MAGI2: variants seen among roughly 807,000 people sequenced by gnomAD.
The protein encoded by MAGI2 is membrane-associated guanylate kinase, WW and PDZ domain-containing protein 2.
In MAGI2, 35 loss-of-function variants were observed where a neutral mutation model predicts 133.3. The observed-to-expected ratio is 0.26, with a 90% CI of 0.20 to 0.35. The LOEUF (loss-of-function observed/expected upper bound fraction) is 0.35. MAGI2 is among the 10% of genes least tolerant of loss of function. The pLI, the probability that MAGI2 is intolerant of heterozygous loss-of-function variation, is 1.00. For synonymous variants in MAGI2, 729 were observed against 710.6 expected (o/e 1.03, Z -0.41); for missense variants, 1,636 against 1,863.4 (o/e 0.88, Z 2.25).
chr7:78,264,458 A>G (rs147428269), intron 9 of MAGI2, among the ~76,000 whole-genome samples: 7 of 152,280 alleles, frequency 4.6e-5, no homozygotes, highest in African/African-American at 1.7e-4. Flanking sequence ...ATGAACTGCA[A>G]TATTCTTTTG....
intron 2 of MAGI2, among the ~76,000 whole-genome samples, chr7:78,693,428 A>C (rs746050260): frequency 2.1e-4 from 32 of 152,186 alleles, no homozygotes; most frequent in Non-Finnish European, 3.8e-4. Flanking sequence ...TCTGTTAACA[A>C]GTCTCTGCAT....
intron 6 of MAGI2, among the ~76,000 whole-genome samples, chr7:78,459,598 A>G (rs1163204181): frequency 6.6e-6 from 1 of 152,248 alleles, no homozygotes; most frequent in Non-Finnish European, 1.5e-5. Flanking sequence ...TGAGCAGTAG[A>G]GATAAAGATT....
intron 2 of MAGI2, among the ~76,000 whole-genome samples, chr7:78,690,261 C>A (rs1205594269): frequency 6.6e-6 from 1 of 152,184 alleles, no homozygotes; most frequent in Non-Finnish European, 1.5e-5. Context: ...GCTAACCACA[C>A]TGCTCACAAT....
intron 1 of MAGI2, among the ~76,000 whole-genome samples, chr7:79,142,113 G>A (rs190476390): frequency 9.9e-5 from 15 of 152,058 alleles, no homozygotes; most frequent in Admixed American, 5.9e-4. Flanking sequence ...ACATGTTTCC[G>A]GGTCTTACAC....
intron 1 of MAGI2, among the ~76,000 whole-genome samples, chr7:79,034,223 C>T (rs1277810304): frequency 6.6e-6 from 1 of 151,950 alleles, no homozygotes; most frequent in Non-Finnish European, 1.5e-5. Context: ...GTTTTTTTTA[C>T]CATTTCCTTT....
chr7:78,125,031 T>C (rs1820845133), intron 20 of MAGI2, among the ~76,000 whole-genome samples: 1 of 151,948 alleles, frequency 6.6e-6, no homozygotes, highest in African/African-American at 2.4e-5. Context: ...GCCTGGCTAA[T>C]TTTTTTGTAT....
At chr7:78,036,890 A>G (rs1810286876) in intron 21 of MAGI2, among the ~76,000 whole-genome samples, 1 of 152,212 alleles carries the variant, frequency 6.6e-6, no homozygotes, top group African/African-American at 2.4e-5. Flanking sequence ...CTGAGATTAT[A>G]GGTGTGAGCC....
At chr7:79,283,111 T>C (rs1248670000) in intron 1 of MAGI2, among the ~76,000 whole-genome samples, 1 of 152,116 alleles carries the variant, frequency 6.6e-6, no homozygotes, top group African/African-American at 2.4e-5. Context: ...CATATGTGCT[T>C]TTGCTTTTGA....
chr7:79,036,879 C>T (rs1811175922), intron 1 of MAGI2, among the ~76,000 whole-genome samples: 1 of 152,112 alleles, frequency 6.6e-6, no homozygotes, highest in Non-Finnish European at 1.5e-5. Context: ...TCGATTTTAA[C>T]AAATTGAGCA....
chr7:79,272,605 C>A (rs1238693601), intron 1 of MAGI2, among the ~76,000 whole-genome samples: 1 of 152,154 alleles, frequency 6.6e-6, no homozygotes, highest in South Asian at 2.1e-4. Context: ...CAATGCAATG[C>A]ACTGAGCCCT....
At chr7:78,690,684 C>G (rs1332409535) in intron 2 of MAGI2, among the ~76,000 whole-genome samples, 1 of 152,068 alleles carries the variant, frequency 6.6e-6, no homozygotes, top group Non-Finnish European at 1.5e-5. Flanking sequence ...AAATTCTGTC[C>G]CTACAGATGT....
intron 1 of MAGI2, among the ~76,000 whole-genome samples, chr7:79,197,247 G>A (rs1418176228): frequency 6.6e-6 from 1 of 151,786 alleles, no homozygotes; most frequent in East Asian, 1.9e-4. Flanking sequence ...TGCCAGAAAC[G>A]TGATTTTTGA....
chr7:79,053,080 C>T (rs1812824467), intron 1 of MAGI2, among the ~76,000 whole-genome samples: 1 of 152,104 alleles, frequency 6.6e-6, no homozygotes, highest in Non-Finnish European at 1.5e-5. Flanking sequence ...TCACGCCATT[C>T]TCCTGCCTCA....
chr7:79,179,001 A>G (rs1826372985), intron 1 of MAGI2, among the ~76,000 whole-genome samples: 1 of 151,922 alleles, frequency 6.6e-6, no homozygotes, highest in Non-Finnish European at 1.5e-5. Context: ...AATAATTTTA[A>G]AGCCTATTAT....
chr7:79,015,540 C>T (rs1323863049), intron 1 of MAGI2, among the ~76,000 whole-genome samples: 2 of 152,092 alleles, frequency 1.3e-5, no homozygotes, highest in Non-Finnish European at 1.5e-5. Flanking sequence ...AATCTCATTC[C>T]AAACAACAGA....
chr7:79,034,024 A>C (rs1341673530), intron 1 of MAGI2, among the ~76,000 whole-genome samples: 1 of 152,150 alleles, frequency 6.6e-6, no homozygotes, highest in African/African-American at 2.4e-5. Flanking sequence ...AGTCTTCAAA[A>C]GATTAAGAAA....
At chr7:78,922,516 A>G (rs1799341746) in intron 2 of MAGI2, among the ~76,000 whole-genome samples, 3 of 151,900 alleles carry the variant, frequency 2.0e-5, no homozygotes, top group South Asian at 2.1e-4. Flanking sequence ...TACAAAGGAC[A>G]TGAACTCATC....
Position 78,521,659 on chromosome 7 carries a change from C to A in MAGI2, c.539-14G>T. The A allele has an allele frequency of 1.9e-6, 3 of 1,605,094 alleles. No homozygotes were observed. The highest frequency in any genetic ancestry group is 2.6e-6 in the Non-Finnish European group (3 of 1,172,046). On this transcript the variant is annotated splice_polypyrimidine_tract_variant and intron_variant, in intron 3 of 21. Transcript: ENST00000354212. ...CGTAGTAATTGTCTGCAAACAATAC[C>A]AAAACATTCTTGGAGTTAAATATTT...
At chr7:79,099,712 T>C (rs1817807870) in intron 1 of MAGI2, among the ~76,000 whole-genome samples, 1 of 152,132 alleles carries the variant, frequency 6.6e-6, no homozygotes, top group Non-Finnish European at 1.5e-5. Flanking sequence ...CACTTATAAG[T>C]GAGAATATGC....
Sources: gnomAD v4.1 joint callset for allele counts (sites outside exome capture counted in the v4.1 genomes callset) on GRCh38, gnomAD v4.1.1 for gene constraint, MANE v1.5 for transcripts, NCBI Gene and HGNC (gene_info 2026-07-23, HGNC 2026-07-21) for gene names.